Variants in CACNA1C observed in about 807,000 individuals in gnomAD.
CACNA1C encodes the protein voltage-dependent L-type calcium channel subunit alpha-1C.
Under a neutral mutation model 229.0 loss-of-function variants are expected in CACNA1C, and 30 were observed. That is an observed-to-expected ratio of 0.13 (90% CI 0.10 to 0.18). The LOEUF (loss-of-function observed/expected upper bound fraction) is 0.18, where lower values mean the gene tolerates loss of function less well. Ranked by LOEUF, CACNA1C falls within the 10% of genes least tolerant of loss-of-function variation. The pLI, the probability that CACNA1C is intolerant of heterozygous loss-of-function variation, is 1.00. For synonymous variants in CACNA1C, 1,114 were observed against 1,132.5 expected (o/e 0.98, Z 0.33); for missense variants, 1,658 against 2,845.0 (o/e 0.58, Z 9.49).
chr12:2,324,444 C>T (rs540860951), intron 3 of CACNA1C, among the ~76,000 whole-genome samples: 17 of 152,348 alleles, frequency 1.1e-4, no homozygotes, highest in South Asian at 2.1e-4. Context: ...CCAGATGACA[C>T]GCTGGAGTTG....
At chr12:2,584,105 A>G (rs941280361) in intron 15 of CACNA1C, among the ~76,000 whole-genome samples, 11 of 152,346 alleles carry the variant, frequency 7.2e-5, no homozygotes, top group South Asian at 4.1e-4. Flanking sequence ...CCACCCCCTC[A>G]GCGCCCAGTT....
At chr12:2,245,453 G>C (rs535965686) in intron 3 of CACNA1C, among the ~76,000 whole-genome samples, 8 of 152,186 alleles carry the variant, frequency 5.3e-5, no homozygotes, top group African/African-American at 1.9e-4. Flanking sequence ...TCTCCTTGCC[G>C]GGAGAGTGTC....
chr12:2,467,984 C>T lies in CACNA1C; in HGVS notation c.757+10278C>T, dbSNP rs2099569463. 6.6e-6 allele frequency among the ~76,000 whole-genome samples: 1 copy of T among 152,226 alleles called. No homozygotes were observed. Among genetic ancestry groups the T allele is most frequent in the Non-Finnish European group, 1.5e-5 (1 of 68,038 alleles). ...CCTGTGCAGCCCTGTGAGCTCCCAGCATCCGAGACCTCTTGGAGAGGGACC... is the reference window on the plus strand; with the variant it reads ...CCTGTGCAGCCCTGTGAGCTCCCAGTATCCGAGACCTCTTGGAGAGGGACC... On this transcript the variant is annotated intron_variant, in intron 5 of 46. Coordinates refer to ENST00000399655, the MANE Select transcript of CACNA1C (RefSeq NM_000719.7). This position sits in a 1 kb window ranked among gnomAD's most constrained non-coding sequence, Gnocchi z 4.6.
At chr12:2,574,088 A>C (rs894264365) in intron 13 of CACNA1C, among the ~76,000 whole-genome samples, 4 of 152,242 alleles carry the variant, frequency 2.6e-5, no homozygotes, top group African/African-American at 9.6e-5. Flanking sequence ...TCAAGACAAA[A>C]AAAAGGCCAG....
rs145568210 is a variant in CACNA1C at position 2,534,281 on chromosome 12, C to T, written c.1391-15662C>T. ...AGGACTGAGTGCATGGATCAGAGGG[C>T]GAATGCTGGAAAGGGAAGGTGTAGT... On this transcript the variant is annotated intron_variant, in intron 9 of 46. Coordinates refer to ENST00000399655, the MANE Select transcript of CACNA1C (RefSeq NM_000719.7). Among the ~76,000 whole-genome samples the T allele has an allele frequency of 1.7e-3, 266 of 152,118 alleles. 4 individuals are homozygous for T. Among genetic ancestry groups the T allele is most frequent in the African/African-American group, 6.2e-3 (256 of 41,480 alleles).
intron 1 of CACNA1C, among the ~76,000 whole-genome samples, chr12:2,097,003 A>G (rs7296022): frequency 0.078 from 11,889 of 152,138 alleles, 943 homozygotes; most frequent in African/African-American, 0.2. Context: ...GGTTGTTTCT[A>G]TCTTTTGTCT....
intron 1 of CACNA1C, among the ~76,000 whole-genome samples, chr12:2,002,307 C>CA (rs1565888801): frequency 6.6e-6 from 1 of 152,196 alleles, no homozygotes; most frequent in African/African-American, 2.4e-5. Context: ...AGTGACAGCA[C>CA]ATGGAGACAG....
intron 7 of CACNA1C, among the ~76,000 whole-genome samples, chr12:2,502,686 A>G (rs2099763348): frequency 1.3e-5 from 2 of 152,190 alleles, no homozygotes; most frequent in Admixed American, 1.3e-4. Context: ...ACTTCATACC[A>G]GTCAGACTAG....
rs2038449325 is a variant in CACNA1C at position 1,988,522 on chromosome 12, A to T, written c.139+17321A>T. On this transcript the variant is annotated intron_variant, in intron 1 of 46. Transcript: ENST00000682462. ...ATAAATAACCCTCTGTGAGGAGGCAACGCTCATGTTTGTGAACAATAAAGC... is the reference window on the plus strand; with the variant it reads ...ATAAATAACCCTCTGTGAGGAGGCATCGCTCATGTTTGTGAACAATAAAGC... Among the ~76,000 whole-genome samples, 3 of 152,226 alleles carry T rather than the reference A, an allele frequency of 2.0e-5. No homozygotes were observed. The South Asian group carries it at 6.2e-4, about 32-fold the overall frequency.
intron 9 of CACNA1C, among the ~76,000 whole-genome samples, chr12:2,521,939 C>T (rs966972717): frequency 1.3e-5 from 2 of 152,240 alleles, no homozygotes; most frequent in African/African-American, 2.4e-5. Context: ...TTTCAGGCAT[C>T]TCCAACCTGT....
intron 3 of CACNA1C, among the ~76,000 whole-genome samples, chr12:2,239,499 T>C (rs1288048755): frequency 6.6e-6 from 1 of 151,984 alleles, no homozygotes; most frequent in Non-Finnish European, 1.5e-5. Context: ...CCAGGGCTGC[T>C]CTCTCCACCC....
At chr12:2,616,656 T>C (rs1247964820) in intron 29 of CACNA1C, among the ~76,000 whole-genome samples, 1 of 152,258 alleles carries the variant, frequency 6.6e-6, no homozygotes, top group Non-Finnish European at 1.5e-5. Context: ...TTTTCCACAG[T>C]CGATTGGACT....
intron 1 of CACNA1C, among the ~76,000 whole-genome samples, chr12:2,009,845 G>A (rs1032587444): frequency 2.5e-4 from 38 of 152,250 alleles, no homozygotes; most frequent in African/African-American, 9.2e-4. Flanking sequence ...TTCTATCTAC[G>A]TGACCTTCAA....
intron 9 of CACNA1C, among the ~76,000 whole-genome samples, chr12:2,544,766 G>A (rs952998438): frequency 2.0e-5 from 3 of 152,238 alleles, no homozygotes; most frequent in Non-Finnish European, 2.9e-5. Flanking sequence ...GTTGGTTGGC[G>A]AGAGGTCGGG....
At chr12:2,359,380 T>C (rs1242228760) in intron 3 of CACNA1C, among the ~76,000 whole-genome samples, 1 of 152,198 alleles carries the variant, frequency 6.6e-6, no homozygotes, top group Non-Finnish European at 1.5e-5. Context: ...CAGAAAACTT[T>C]TGGGGTGTGT....
At position 2,287,437 on chromosome 12, in the gene CACNA1C, T is replaced by C. The variant is rs1247904465; in HGVS notation, c.478-161539T>C. Among the ~76,000 whole-genome samples the C allele has an allele frequency of 1.3e-5, 2 of 152,134 alleles. No homozygotes were observed. Reference sequence around the variant, plus strand: ...GCTGCTCGTGTGTTCCGTGGCTGTTTAGGAAGGTTGGGTCAGTGGAGATCA... The same window carrying C: ...GCTGCTCGTGTGTTCCGTGGCTGTTCAGGAAGGTTGGGTCAGTGGAGATCA... On this transcript the variant is annotated intron_variant, in intron 3 of 46. Transcript: ENST00000399655. This position sits in a 1 kb window ranked among gnomAD's most constrained non-coding sequence, Gnocchi z 4.6.
In CACNA1C at chr12:2,053,227, C is replaced by A. The variant is rs1352803792; in HGVS notation, c.-336C>A. 2.0e-6 allele frequency: 2 copies of A among 1,024,836 alleles called. No individual in the cohort carries two copies. The highest frequency in any genetic ancestry group is 3.4e-5 in the African/African-American group (2 of 58,478). The allele number at this position is 1,024,836 out of a possible 1,614,324, so 63.5% of individuals were successfully genotyped here. ...CGCCCCCCGCCCCTCCTCTCCGCCT[C>A]TTCTCGCCCTGCCTCTCCCGATTTA... is the stretch of plus-strand genomic sequence containing the variant. On this transcript the variant is annotated 5_prime_UTR_variant, in exon 1 of 47. Coordinates refer to ENST00000399655, the MANE Select transcript of CACNA1C (RefSeq NM_000719.7). This position sits in a 1 kb window ranked among gnomAD's most constrained non-coding sequence, Gnocchi z 5.8.
intron 3 of CACNA1C, among the ~76,000 whole-genome samples, chr12:2,158,245 A>T (rs1289968693): frequency 1.3e-5 from 2 of 152,248 alleles, no homozygotes; most frequent in Non-Finnish European, 2.9e-5. Flanking sequence ...CCAAGGGTAC[A>T]TCTTTGTGAC....
chr12:2,062,629 G>T (rs896422501), intron 1 of CACNA1C, among the ~76,000 whole-genome samples: 3 of 152,090 alleles, frequency 2.0e-5, no homozygotes, highest in African/African-American at 4.8e-5. Flanking sequence ...CTCCCCTCCT[G>T]GTCCCGTCCT....
Sources: gnomAD v4.1 joint callset for allele counts (sites outside exome capture counted in the v4.1 genomes callset) on GRCh38, gnomAD v4.1.1 for gene constraint, Gnocchi (gnomAD v3.1) non-coding constraint, MANE v1.5 for transcripts, NCBI Gene and HGNC (gene_info 2026-07-23, HGNC 2026-07-21) for gene names.